Variants in FLT3 observed in about 807,000 individuals in gnomAD.
The protein encoded by FLT3 is fms related receptor tyrosine kinase 3.
FLT3 carries 46 observed loss-of-function variants against 126.6 expected under a neutral mutation model. The ratio of observed to expected loss-of-function variants is 0.36; its 90% confidence interval spans 0.29 to 0.46. The LOEUF (loss-of-function observed/expected upper bound fraction) is 0.46, where lower values mean the gene tolerates loss of function less well. FLT3 is among the 20% of genes least tolerant of loss of function. FLT3 has a pLI of 1.00. For missense variants in FLT3, 1,069 were observed against 1,190.3 expected (o/e 0.90, Z 1.50); for synonymous variants, 404 against 434.4 (o/e 0.93, Z 0.87).
chr13:28,012,602 C>T (rs970681308), intron 23 of FLT3, among the ~76,000 whole-genome samples: 1 of 152,104 alleles, frequency 6.6e-6, no homozygotes. Context: ...ACAAGTTCCC[C>T]ACAAATCCAC....
intron 4 of FLT3, among the ~76,000 whole-genome samples, chr13:28,054,411 C>G (rs1218213497): frequency 6.7e-6 from 1 of 148,996 alleles, no homozygotes; most frequent in Admixed American, 6.7e-5. Context: ...CACAACACAA[C>G]TCAAAAAAAA....
chr13:28,034,232 T>A lies in FLT3; in HGVS notation c.1705-18A>T, dbSNP rs917940415. ...CTAAATTGCTTCAGAGATGAAATGA[T>A]GAGTCAGTTAGGAATAGGCAGTTCT... On this transcript the variant is annotated intron_variant, in intron 13 of 23. Transcript: ENST00000241453. 1 of 1,613,944 alleles carries A rather than the reference T, an allele frequency of 6.2e-7. No homozygotes were observed. The highest frequency in any genetic ancestry group is 8.5e-7 in the Non-Finnish European group (1 of 1,179,912).
intron 22 of FLT3, 22 bp from the exon 23 acceptor site, chr13:28,014,579 G>A: frequency 6.5e-7 from 1 of 1,536,858 alleles, no homozygotes; most frequent in East Asian, 2.2e-5. Flanking sequence ...ATAGAACAAG[G>A]AACAAGATGA....
intron 8 of FLT3, 125 bp from the exon 9 acceptor site, chr13:28,048,568 G>T: frequency 1.5e-6 from 1 of 671,644 alleles, no homozygotes; most frequent in Non-Finnish European, 2.5e-6. Flanking sequence ...GCATGCTGCA[G>T]GTCAGGTTGG....
intron 9 of FLT3, among the ~76,000 whole-genome samples, chr13:28,039,845 G>C (rs768120018): frequency 1.3e-5 from 2 of 151,980 alleles, no homozygotes; most frequent in Non-Finnish European, 2.9e-5. Context: ...ACTGCACCTA[G>C]CCTTAATTTT....
intron 1 of FLT3, among the ~76,000 whole-genome samples, chr13:28,089,922 G>T (rs1878923782): frequency 6.6e-6 from 1 of 151,602 alleles, no homozygotes; most frequent in Admixed American, 6.6e-5. Flanking sequence ...TATTTTTTTA[G>T]TAGAGATAAG....
chr13:28,024,534 T>G (rs1872650143), intron 18 of FLT3, among the ~76,000 whole-genome samples: 1 of 152,222 alleles, frequency 6.6e-6, no homozygotes, highest in Non-Finnish European at 1.5e-5. Flanking sequence ...TCCAAAGTCA[T>G]CCAGTCAGAA....
In FLT3 at chr13:28,015,180, C is replaced by T; in HGVS notation, c.2730G>A (p.Gln910=). 1 of 1,604,040 alleles carries T rather than the reference C, an allele frequency of 6.2e-7. No homozygotes were observed. Among genetic ancestry groups the T allele is most frequent in the Admixed American group, 1.7e-5 (1 of 59,928 alleles). ...ACATTTCTTCTGTAGCATAAAATGG[C>T]TGATCCATTTTAAATCCATTTTGAA... ...KLIQNGFKMD[Q]PFYATEEIYI... is the part of the protein sequence containing the mutation. Residue 910 remains glutamine, a synonymous_variant, in exon 22 of 24, where the codon CAG becomes CAA. Transcript: ENST00000241453.
chr13:28,007,080 G>A (rs1220436350), intron 23 of FLT3, among the ~76,000 whole-genome samples: 3 of 151,958 alleles, frequency 2.0e-5, no homozygotes, highest in Non-Finnish European at 2.9e-5. Flanking sequence ...CATCATAAAA[G>A]TGACCTTTAA....
chr13:28,088,179 T>C lies in FLT3; in HGVS notation c.43+12289A>G, dbSNP rs111682752. Among the ~76,000 whole-genome samples, 624 of 152,360 alleles carry C rather than the reference T, an allele frequency of 4.1e-3. 4 individuals are homozygous for C. The highest frequency in any genetic ancestry group is 0.014 in the African/African-American group (598 of 41,590). On this transcript the variant is annotated intron_variant, in intron 1 of 23. Coordinates refer to ENST00000241453, the MANE Select transcript of FLT3 (RefSeq NM_004119.3). Reference sequence around the variant, plus strand: ...ATGGTGAGCACTTTGTTCTTTCATGTCTTGCATTTAAGCTGGGTTAGGTGG... The same window carrying C: ...ATGGTGAGCACTTTGTTCTTTCATGCCTTGCATTTAAGCTGGGTTAGGTGG...
chr13:28,069,273 G>A (rs1007198001), intron 2 of FLT3, among the ~76,000 whole-genome samples: 2 of 152,158 alleles, frequency 1.3e-5, no homozygotes, highest in African/African-American at 4.8e-5. Flanking sequence ...TAGAGAATAT[G>A]AGATGATTAT....
rs141776256 is a variant in FLT3, at chr13:28,023,326, G to T, written c.2418+24C>A. 16 of 1,587,848 alleles carry T rather than the reference G, an allele frequency of 1.0e-5. No individual in the cohort carries two copies. The Admixed American group carries it at 1.9e-4, about 19-fold the overall frequency. On this transcript the variant is annotated intron_variant, in intron 19 of 23. Coordinates refer to ENST00000241453, the MANE Select transcript of FLT3 (RefSeq NM_004119.3). ...TCTTTTCAAATCTTTTTTTTGGTTT[G>T]TTTTTTCTTTAAAAGGAGCATACCG...
chr13:28,006,026 G>A (rs1223812695), intron 23 of FLT3, among the ~76,000 whole-genome samples: 1 of 151,984 alleles, frequency 6.6e-6, no homozygotes, highest in Non-Finnish European at 1.5e-5. Context: ...TGGGAGGCCG[G>A]GGCGGGAGGA....
At chr13:28,035,359 C>G (rs1873737025) in intron 12 of FLT3, 136 bp downstream of exon 12, 1 of 773,026 alleles carries the variant, frequency 1.3e-6, no homozygotes, top group African/African-American at 1.8e-5. Context: ...GGGATTCTTG[C>G]CTGACTCAAG....
intron 19 of FLT3, among the ~76,000 whole-genome samples, chr13:28,021,009 G>A (rs1427383200): frequency 6.6e-6 from 1 of 152,174 alleles, no homozygotes; most frequent in African/African-American, 2.4e-5. Context: ...CCCCTTGACT[G>A]CCAGTTGGGA....
intron 1 of FLT3, among the ~76,000 whole-genome samples, chr13:28,083,016 T>C (rs1037617954): frequency 2.0e-5 from 3 of 151,326 alleles, no homozygotes; most frequent in African/African-American, 7.3e-5. Flanking sequence ...AATTTTTGTA[T>C]TTTTTGTAGA....
chr13:28,076,498 T>G (rs1193812235), intron 1 of FLT3, among the ~76,000 whole-genome samples: 1 of 152,092 alleles, frequency 6.6e-6, no homozygotes, highest in East Asian at 1.9e-4. Context: ...AAGCCAACAA[T>G]GCAACCCCAG....
rs59718306 is a variant in FLT3, at chr13:28,062,743, C to CAAAAAAAAAAA, written c.166-685_166-675dup. Among the ~76,000 whole-genome samples the CAAAAAAAAAAA allele has an allele frequency of 2.1e-4, 19 of 89,986 alleles. 3 individuals are homozygous for CAAAAAAAAAAA. The highest frequency in any genetic ancestry group is 7.1e-4 in the African/African-American group (15 of 20,988). 59.0% of individuals were successfully genotyped at this position (89,986 alleles called of 152,430 possible). A position where few individuals can be genotyped will look rare whatever the true frequency, so the allele number is the denominator to read the frequency against. On this transcript the variant is annotated intron_variant, in intron 2 of 23. Transcript: ENST00000241453. ...TGGGCAACAGAGTGAAACTCTGTCTCAAAAAAAAAAAAAAAAGAGGAGATT... is the reference window on the plus strand; with the variant it reads ...TGGGCAACAGAGTGAAACTCTGTCTCAAAAAAAAAAAAAAAAAAAAAAAAAAAGAGGAGATT...
intron 3 of FLT3, among the ~76,000 whole-genome samples, chr13:28,061,385 T>A (rs1465481048): frequency 6.6e-6 from 1 of 151,242 alleles, no homozygotes; most frequent in Non-Finnish European, 1.5e-5. Flanking sequence ...TTATACATCC[T>A]ATGAGATTTG....
Sources: allele counts gnomAD v4.1 joint callset (sites outside exome capture counted in the v4.1 genomes callset), GRCh38; gene constraint gnomAD v4.1.1; transcripts MANE v1.5; gene names NCBI Gene and HGNC (gene_info 2026-07-23, HGNC 2026-07-21).